The following XIRP2 variants were observed in gnomAD, a reference collection of about 807,000 sequenced individuals.
XIRP2 encodes xin actin-binding repeat-containing protein 2.
Under a neutral mutation model 277.0 loss-of-function variants are expected in XIRP2, and 236 were observed. The observed-to-expected ratio is 0.85, with a 90% CI of 0.77 to 0.95. The LOEUF (loss-of-function observed/expected upper bound fraction) is 0.95, where lower values mean the gene tolerates loss of function less well. Ranked by LOEUF, XIRP2 falls within the 40% of genes least tolerant of loss-of-function variation. The pLI, the probability that XIRP2 is intolerant of heterozygous loss-of-function variation, is 0.00. For synonymous variants in XIRP2, 1,490 were observed against 1,416.5 expected (o/e 1.05, Z -1.17); for missense variants, 4,640 against 4,157.5 (o/e 1.12, Z -3.19).
chr2:166,914,037 A>C (rs576625867), intron 2 of XIRP2, among the ~76,000 whole-genome samples: 1 of 152,358 alleles, frequency 6.6e-6, no homozygotes, highest in African/African-American at 2.4e-5. Context: ...GGGACGTTAC[A>C]AATGTGATTA....
chr2:167,250,047 A>G lies in XIRP2; in HGVS notation c.8655A>G (p.Lys2885=), dbSNP rs763072694. The G allele has an allele frequency of 1.2e-6, 2 of 1,613,520 alleles. No homozygotes were observed. Among genetic ancestry groups the G allele is most frequent in the Admixed American group, 1.7e-5 (1 of 59,940 alleles). The change falls in exon 9 of 11, where the codon AAA becomes AAG. Residue 2885 remains lysine, a synonymous_variant. Coordinates refer to ENST00000409195, the MANE Select transcript of XIRP2 (RefSeq NM_152381.6). ...CTGAAAGTAAAGCTGAACATAAAAAATTGCCCCAGCCATATAATAGTCTGC... is the reference window on the plus strand; with the variant it reads ...CTGAAAGTAAAGCTGAACATAAAAAGTTGCCCCAGCCATATAATAGTCTGC... ...QTAESKAEHK[K]LPQPYNSLQE...
chr2:167,236,810 C>G (rs368647013), intron 5 of XIRP2, among the ~76,000 whole-genome samples: 1 of 152,016 alleles, frequency 6.6e-6, no homozygotes, highest in Non-Finnish European at 1.5e-5. Flanking sequence ...AATGGTGACC[C>G]GAACAGAGTT....
intron 1 of XIRP2, among the ~76,000 whole-genome samples, chr2:166,895,834 T>C (rs1684227223): frequency 6.6e-6 from 1 of 152,126 alleles, no homozygotes; most frequent in South Asian, 2.1e-4. Context: ...TTTAATAGAA[T>C]ACAAATACCA....
At chr2:167,222,792 C>T (rs1049462318) in intron 5 of XIRP2, among the ~76,000 whole-genome samples, 1 of 152,188 alleles carries the variant, frequency 6.6e-6, no homozygotes, top group African/African-American at 2.4e-5. Flanking sequence ...GCCATTGCCT[C>T]TCTCCTGAGT....
intron 5 of XIRP2, among the ~76,000 whole-genome samples, chr2:167,231,740 C>A (rs1694763457): frequency 6.6e-6 from 1 of 151,912 alleles, no homozygotes; most frequent in East Asian, 1.9e-4. Flanking sequence ...TTGGGCTTTG[C>A]ATAAGAGGTT....
chr2:167,072,911 T>C (rs896003035), intron 2 of XIRP2, among the ~76,000 whole-genome samples: 1 of 152,170 alleles, frequency 6.6e-6, no homozygotes. Context: ...CAGTATAACT[T>C]TAAACACAAA....
At chr2:167,252,408 G>A (rs1014953313) in intron 9 of XIRP2, among the ~76,000 whole-genome samples, 2 of 151,952 alleles carry the variant, frequency 1.3e-5, no homozygotes, top group Non-Finnish European at 2.9e-5. Context: ...GTGTGCTTTA[G>A]TATTTTTATT....
rs1303700926 is a variant in XIRP2 at position 167,146,507 on chromosome 2, AAAAG to A, written c.562+10465_562+10468del. ...CAGAACAAGACTCTGTCTCAAAAAA[AAAAG>A]AAAGAAAGAAAGAAAGAAATTAATT... On this transcript the variant is annotated intron_variant, in intron 3 of 10. Coordinates refer to ENST00000409195, the MANE Select transcript of XIRP2 (RefSeq NM_152381.6). 5.3e-4 allele frequency among the ~76,000 whole-genome samples: 80 copies of A among 151,702 alleles called. 1 individual carries two copies. Among genetic ancestry groups the A allele is most frequent in the East Asian group, 4.1e-3 (21 of 5,164 alleles).
chr2:167,151,186 T>G (rs1692005442), intron 3 of XIRP2, among the ~76,000 whole-genome samples: 1 of 152,084 alleles, frequency 6.6e-6, no homozygotes, highest in Non-Finnish European at 1.5e-5. Flanking sequence ...TTACCACAGA[T>G]TTTGCCTGAA....
intron 2 of XIRP2, among the ~76,000 whole-genome samples, chr2:166,941,992 A>G (rs2105383807): frequency 6.6e-6 from 1 of 152,330 alleles, no homozygotes; most frequent in African/African-American, 2.4e-5. Context: ...TGAAAATTCT[A>G]ACCTCTCAAG....
chr2:167,116,318 G>T (rs917871519), intron 2 of XIRP2, among the ~76,000 whole-genome samples: 21 of 152,130 alleles, frequency 1.4e-4, no homozygotes, highest in African/African-American at 5.1e-4. Context: ...TTGTAGCTCT[G>T]TTGATTCATA....
At chr2:167,220,678 T>C (rs921652674) in intron 5 of XIRP2, among the ~76,000 whole-genome samples, 1 of 152,146 alleles carries the variant, frequency 6.6e-6, no homozygotes, top group Non-Finnish European at 1.5e-5. Context: ...TAGCATCTTG[T>C]TGGCTCCGAA....
intron 3 of XIRP2, among the ~76,000 whole-genome samples, chr2:167,170,253 C>T (rs1436722574): frequency 2.0e-5 from 3 of 151,970 alleles, no homozygotes; most frequent in African/African-American, 4.8e-5. Context: ...AAATATTGGT[C>T]TTTAACTTCT....
At chr2:167,235,641 G>A (rs1694880922) in intron 5 of XIRP2, among the ~76,000 whole-genome samples, 1 of 151,800 alleles carries the variant, frequency 6.6e-6, no homozygotes, top group Non-Finnish European at 1.5e-5. Flanking sequence ...TAATATCACA[G>A]GAATAGAAAA....
intron 10 of XIRP2, among the ~76,000 whole-genome samples, chr2:167,254,747 A>G (rs1298395674): frequency 2.6e-5 from 4 of 151,900 alleles, no homozygotes; most frequent in Non-Finnish European, 4.4e-5. Context: ...TTAGAAAAAT[A>G]TCAGTGACAG....
chr2:166,896,746 C>T (rs1684254243), intron 1 of XIRP2, among the ~76,000 whole-genome samples: 1 of 152,114 alleles, frequency 6.6e-6, no homozygotes, highest in African/African-American at 2.4e-5. Context: ...CAGGAGTGTA[C>T]AGTAATTTCC....
chr2:167,019,376 C>A (rs929488004), intron 2 of XIRP2, among the ~76,000 whole-genome samples: 1 of 151,934 alleles, frequency 6.6e-6, no homozygotes. Context: ...GAAAGGTTAG[C>A]AGGTAAGTTA....
intron 2 of XIRP2, among the ~76,000 whole-genome samples, chr2:166,956,115 G>A (rs990018241): frequency 1.5e-5 from 2 of 136,866 alleles, no homozygotes; most frequent in African/African-American, 5.8e-5. Context: ...AAATATCATA[G>A]GGTTTATCTC....
chr2:166,922,820 C>CT (rs201750485), intron 2 of XIRP2, among the ~76,000 whole-genome samples: 1,776 of 138,364 alleles, frequency 0.013, 28 homozygotes, highest in African/African-American at 0.035. Context: ...TCTTTCCTTC[C>CT]TTTTTTTTTT....
Sources: gnomAD v4.1 joint callset for allele counts (sites outside exome capture counted in the v4.1 genomes callset) on GRCh38, gnomAD v4.1.1 for gene constraint, MANE v1.5 for transcripts, NCBI Gene and HGNC (gene_info 2026-07-23, HGNC 2026-07-21) for gene names.